DSCAM: variants seen among roughly 807,000 people sequenced by gnomAD.
The protein encoded by DSCAM is cell adhesion molecule DSCAM.
Under a neutral mutation model 217.7 loss-of-function variants are expected in DSCAM, and 47 were observed. The ratio of observed to expected loss-of-function variants is 0.22; its 90% CI spans 0.17 to 0.28. DSCAM has a LOEUF of 0.28. DSCAM is among the 10% of genes least tolerant of loss of function. The pLI is 1.00. For missense variants in DSCAM, 2,080 were observed against 2,618.3 expected (o/e 0.79, Z 4.49); for synonymous variants, 1,056 against 1,015.3 (o/e 1.04, Z -0.76).
intron 11 of DSCAM, among the ~76,000 whole-genome samples, chr21:40,253,619 A>T (rs530861000): frequency 1.3e-5 from 2 of 152,342 alleles, no homozygotes; most frequent in African/African-American, 4.8e-5. Context: ...GAGGGGCTAG[A>T]AATAGATCTC....
At chr21:40,559,938 G>A (rs769656723) in intron 3 of DSCAM, among the ~76,000 whole-genome samples, 11 of 151,754 alleles carry the variant, frequency 7.2e-5, no homozygotes, top group Non-Finnish European at 1.5e-4. Flanking sequence ...GGCTACAGGC[G>A]CCCAACTACC....
intron 3 of DSCAM, among the ~76,000 whole-genome samples, chr21:40,505,119 G>C (rs906018773): frequency 6.6e-6 from 1 of 152,194 alleles, no homozygotes; most frequent in African/African-American, 2.4e-5. Flanking sequence ...CAGGTAATTG[G>C]AAATAATGGG....
intron 1 of DSCAM, among the ~76,000 whole-genome samples, chr21:40,717,425 C>A (rs1472294912): frequency 6.6e-6 from 1 of 152,234 alleles, no homozygotes; most frequent in East Asian, 1.9e-4. Flanking sequence ...ATGGTGGAAA[C>A]AGCCTACATG....
chr21:40,435,187 G>A (rs998245822), intron 3 of DSCAM, among the ~76,000 whole-genome samples: 8 of 152,192 alleles, frequency 5.3e-5, no homozygotes, highest in Non-Finnish European at 1.0e-4. Context: ...CACACCAGTG[G>A]CCTTGCCCCG....
intron 1 of DSCAM, among the ~76,000 whole-genome samples, chr21:40,792,137 CTTTTT>C (rs67838146): frequency 1.3e-4 from 15 of 118,588 alleles, no homozygotes; most frequent in South Asian, 5.2e-4. Flanking sequence ...TCTTCTTCTT[CTTTTT>C]TTTTTTTTTT....
At chr21:40,156,139 T>C (rs2090474031) in intron 16 of DSCAM, among the ~76,000 whole-genome samples, 1 of 151,288 alleles carries the variant, frequency 6.6e-6, no homozygotes, top group Non-Finnish European at 1.5e-5. Context: ...GAGGAGAGGG[T>C]AAGTATGGAG....
chr21:40,304,534 A>G (rs1313795734), intron 9 of DSCAM, among the ~76,000 whole-genome samples: 1 of 152,280 alleles, frequency 6.6e-6, no homozygotes, highest in African/African-American at 2.4e-5. Context: ...ACAGTTTGGC[A>G]TAGGAAGCCC....
intron 3 of DSCAM, among the ~76,000 whole-genome samples, chr21:40,577,714 A>G (rs2076865289): frequency 6.6e-6 from 1 of 152,212 alleles, no homozygotes; most frequent in Non-Finnish European, 1.5e-5. Flanking sequence ...GGGTCTAGTT[A>G]GAACAATTTT....
At chr21:40,107,580 T>C (rs1285662522) in intron 20 of DSCAM, among the ~76,000 whole-genome samples, 1 of 152,124 alleles carries the variant, frequency 6.6e-6, no homozygotes, top group Non-Finnish European at 1.5e-5. Context: ...CTCAATGATC[T>C]GTCTAATATT....
intron 3 of DSCAM, among the ~76,000 whole-genome samples, chr21:40,621,593 C>T (rs1478722525): frequency 1.3e-5 from 2 of 151,846 alleles, no homozygotes; most frequent in Non-Finnish European, 2.9e-5. Context: ...GATGGGATGG[C>T]ACCCAGAGAA....
intron 3 of DSCAM, among the ~76,000 whole-genome samples, chr21:40,653,665 C>T (rs554080363): frequency 6.6e-6 from 1 of 152,162 alleles, no homozygotes; most frequent in African/African-American, 2.4e-5. Flanking sequence ...GTGGAGAAGA[C>T]CCCGCGTTGA....
At chr21:40,685,679 T>C (rs2090465140) in intron 3 of DSCAM, among the ~76,000 whole-genome samples, 2 of 152,208 alleles carry the variant, frequency 1.3e-5, no homozygotes, top group Non-Finnish European at 2.9e-5. Context: ...CCTTCTCCTG[T>C]ATTAAGTCAC....
intron 3 of DSCAM, among the ~76,000 whole-genome samples, chr21:40,429,427 T>C (rs922409509): frequency 2.6e-5 from 4 of 151,880 alleles, no homozygotes; most frequent in Non-Finnish European, 5.9e-5. Context: ...CCACCACGCC[T>C]GGCTAATTTT....
At chr21:40,362,217 G>A (rs1002506349) in intron 4 of DSCAM, among the ~76,000 whole-genome samples, 2 of 151,888 alleles carry the variant, frequency 1.3e-5, no homozygotes, top group East Asian at 1.9e-4. Flanking sequence ...ATTGTGAATA[G>A]TGCCGCAATA....
At chr21:40,407,731 T>A (rs930474358) in intron 3 of DSCAM, among the ~76,000 whole-genome samples, 3 of 152,198 alleles carry the variant, frequency 2.0e-5, no homozygotes, top group African/African-American at 4.8e-5. Flanking sequence ...GGGAGGCCAC[T>A]TTTGATTCTT....
At chr21:40,055,627 C>T (rs116125347) in intron 29 of DSCAM, 98 bp downstream of exon 29, 20,129 of 866,404 alleles carry the variant, frequency 0.023, 405 homozygotes, top group African/African-American at 0.059. Flanking sequence ...GCCTTCAAGA[C>T]GCTCTCCTGT....
chr21:40,137,178 GAAA>G (rs34652896), intron 18 of DSCAM, among the ~76,000 whole-genome samples: 4 of 64,500 alleles, frequency 6.2e-5, no homozygotes, highest in Admixed American at 2.2e-4. Flanking sequence ...CTGTCTCAAG[GAAA>G]AAAAAAAAAA....
chr21:40,436,249 T>C (rs201593963), intron 3 of DSCAM, among the ~76,000 whole-genome samples: 1 of 152,226 alleles, frequency 6.6e-6, no homozygotes, highest in East Asian at 1.9e-4. Flanking sequence ...GATGTATTTC[T>C]TCATCTAAAA....
chr21:40,259,530 G>T (rs1230446947), intron 11 of DSCAM, among the ~76,000 whole-genome samples: 6 of 152,132 alleles, frequency 3.9e-5, no homozygotes, highest in Non-Finnish European at 8.8e-5. Flanking sequence ...CACCTGTAAA[G>T]AGGCGATGCA....
Sources: gnomAD v4.1 joint callset for allele counts (sites outside exome capture counted in the v4.1 genomes callset) on GRCh38, gnomAD v4.1.1 for gene constraint, MANE v1.5 for transcripts, NCBI Gene and HGNC (gene_info 2026-07-23, HGNC 2026-07-21) for gene names.